Variants in CCDC88C observed in about 807,000 individuals in gnomAD.
The protein encoded by CCDC88C is coiled-coil and HOOK domain protein 88C, also known as protein Daple.
CCDC88C carries 131 observed loss-of-function variants against 198.8 expected under a neutral mutation model. The observed-to-expected ratio is 0.66, with a 90% CI of 0.57 to 0.76. The LOEUF is 0.76. Among genes scored for constraint, CCDC88C ranks in the 30% least tolerant of loss-of-function variants. The probability of loss-of-function intolerance (pLI) is 0.00; values close to 1 mark genes in which losing one functional copy is unlikely to be tolerated. For missense variants in CCDC88C, 2,553 were observed against 2,631.6 expected, an observed-to-expected ratio of 0.97 and a Z score of 0.65; for synonymous variants, 1,166 against 1,114.7, an observed-to-expected ratio of 1.05 and a Z score of -0.92.
intron 10 of CCDC88C, among the ~76,000 whole-genome samples, chr14:91,336,690 T>C (rs910786309): frequency 6.6e-6 from 1 of 152,182 alleles, no homozygotes; most frequent in Non-Finnish European, 1.5e-5. Context: ...TTGCACAGCC[T>C]TCAGGATGCT....
intron 20 of CCDC88C, among the ~76,000 whole-genome samples, chr14:91,303,219 T>C (rs1596045468): frequency 1.4e-5 from 2 of 142,724 alleles, no homozygotes; most frequent in African/African-American, 2.7e-5. Flanking sequence ...CTCCTTCACC[T>C]CCCCTCCCCA....
intron 3 of CCDC88C, among the ~76,000 whole-genome samples, chr14:91,401,211 T>C (rs528031448): frequency 9.5e-5 from 14 of 147,282 alleles, no homozygotes; most frequent in African/African-American, 3.5e-4. Context: ...TTCTACTTCC[T>C]AATCCATAGT....
chr14:91,365,316 G>A (rs924038224), intron 3 of CCDC88C, among the ~76,000 whole-genome samples: 2 of 152,314 alleles, frequency 1.3e-5, no homozygotes, highest in African/African-American at 4.8e-5. Flanking sequence ...GGACCAGGAC[G>A]GGAAGGGACT....
chr14:91,347,409 G>A (rs1037064397), intron 4 of CCDC88C, among the ~76,000 whole-genome samples: 12 of 152,208 alleles, frequency 7.9e-5, no homozygotes, highest in African/African-American at 2.7e-4. Flanking sequence ...GAGCAAGGAA[G>A]AGACCAGAAA....
intron 3 of CCDC88C, among the ~76,000 whole-genome samples, chr14:91,360,600 G>C (rs1894267252): frequency 6.6e-6 from 1 of 152,198 alleles, no homozygotes; most frequent in South Asian, 2.1e-4. Context: ...TCCTAAGCGA[G>C]GGATACATCA....
At chr14:91,298,662 G>A (rs150197991) in intron 21 of CCDC88C, among the ~76,000 whole-genome samples, 1,582 of 152,290 alleles carry the variant, frequency 0.01, 31 homozygotes, top group African/African-American at 0.036. Context: ...TCCAGCTGGC[G>A]GCCTTTGCTG....
chr14:91,363,142 A>G (rs945705842), intron 3 of CCDC88C, among the ~76,000 whole-genome samples: 1 of 152,224 alleles, frequency 6.6e-6, no homozygotes, highest in Admixed American at 6.5e-5. Flanking sequence ...TAATTGAGAC[A>G]CATTAATTTC....
chr14:91,344,694 G>T (rs1482559881), intron 4 of CCDC88C, among the ~76,000 whole-genome samples: 2 of 150,968 alleles, frequency 1.3e-5, no homozygotes, highest in Non-Finnish European at 2.9e-5. Flanking sequence ...TGTATTTTTA[G>T]TAGAGATGGG....
In CCDC88C at chr14:91,272,583, G is replaced by A. The variant is rs780498509; in HGVS notation, c.*42C>T. On this transcript the variant is annotated 3_prime_UTR_variant, in exon 30 of 30. Coordinates refer to ENST00000389857, the MANE Select transcript of CCDC88C (RefSeq NM_001080414.4). ...GAAAAGGCCGTGAGAGTCGGAAGGCGCGTCAGTAGTTTTCAGGTTTGCGAG... is the reference window on the plus strand; with the variant it reads ...GAAAAGGCCGTGAGAGTCGGAAGGCACGTCAGTAGTTTTCAGGTTTGCGAG... 23 of 1,560,240 alleles carry A rather than the reference G, an allele frequency of 1.5e-5. No homozygotes were observed. The highest frequency in any genetic ancestry group is 1.2e-4 in the African/African-American group (9 of 73,670).
chr14:91,393,448 A>G (rs1885651277), intron 3 of CCDC88C, among the ~76,000 whole-genome samples: 1 of 152,226 alleles, frequency 6.6e-6, no homozygotes, highest in Non-Finnish European at 1.5e-5. Context: ...GGGTACAGAC[A>G]GAAGCGCCCT....
intron 4 of CCDC88C, among the ~76,000 whole-genome samples, chr14:91,347,251 C>T (rs576074652): frequency 6.6e-5 from 10 of 152,324 alleles, no homozygotes; most frequent in East Asian, 5.8e-4. Flanking sequence ...GTACTCTATT[C>T]GCAGCAAAGT....
chr14:91,343,759 C>G (rs1441754211), intron 4 of CCDC88C, 102 bp from the exon 5 acceptor site: 26 of 1,373,816 alleles, frequency 1.9e-5, no homozygotes. Context: ...AATCATCTCT[C>G]TACTCTGTGA....
In CCDC88C at chr14:91,303,751, T is replaced by G; in HGVS notation, c.3585A>C (p.Leu1195=). The stretch of plus-strand genomic sequence containing the variant: ...GCTCCAGATTCCGATGCAGTGTCTT[T>G]AGGCAGCTGTGCTGGCGGATGAGGG... ...YEALIRQHSC[L]KTLHRNLELE... Residue 1195 remains leucine, a synonymous_variant, in exon 20 of 30, where the codon CTA becomes CTC. Coordinates refer to ENST00000389857, the MANE Select transcript of CCDC88C (RefSeq NM_001080414.4). 1 of 1,612,410 alleles carries G rather than the reference T, an allele frequency of 6.2e-7. No homozygotes were observed. Among genetic ancestry groups the G allele is most frequent in the Non-Finnish European group, 8.5e-7 (1 of 1,179,222 alleles).
chr14:91,292,181 C>CT (rs761837452), intron 23 of CCDC88C, among the ~76,000 whole-genome samples: 12 of 152,224 alleles, frequency 7.9e-5, no homozygotes, highest in Non-Finnish European at 1.0e-4. Flanking sequence ...CTCCCAGTCC[C>CT]TTGACTCGAC....
intron 17 of CCDC88C, 144 bp from the exon 18 acceptor site, chr14:91,307,370 CCTTTT>C (rs1891604969): frequency 9.2e-6 from 6 of 651,212 alleles, no homozygotes; most frequent in African/African-American, 1.8e-5. Context: ...CAGACGCGCT[CCTTTT>C]CTTTTGAGGG....
intron 10 of CCDC88C, among the ~76,000 whole-genome samples, chr14:91,331,109 C>A (rs187537893): frequency 7.1e-5 from 1 of 14,018 alleles, no homozygotes; most frequent in Non-Finnish European, 2.0e-4. Context: ...GTAAGTGGGG[C>A]GGGGGTGGGG....
intron 3 of CCDC88C, chr14:91,379,994 C>A: frequency 1.5e-6 from 1 of 660,452 alleles, no homozygotes; most frequent in Middle Eastern, 2.4e-4. Context: ...ACTGCGCGAG[C>A]CCACCGTGAG....
rs367607170 is a variant in CCDC88C, at chr14:91,372,435, G to A, written c.271-12724C>T. Among the ~76,000 whole-genome samples, 8 of 150,020 alleles carry A rather than the reference G, an allele frequency of 5.3e-5. No individual in the cohort carries two copies. The East Asian group carries it at 6.0e-4, about 11-fold the overall frequency. On this transcript the variant is annotated intron_variant, in intron 3 of 29. Transcript: ENST00000389857. ...GGGGGCACTGGGAGCAGAGGAGAGC[G>A]GGGAATCCAGAAAAGCTCCAAGAAG...
In CCDC88C at chr14:91,281,481, C is replaced by T. The variant is rs761127230; in HGVS notation, c.4675G>A (p.Glu1559Lys). 5 of 1,613,966 alleles carry T rather than the reference C, an allele frequency of 3.1e-6. No homozygotes were observed. Among genetic ancestry groups the T allele is most frequent in the Non-Finnish European group, 3.4e-6 (4 of 1,179,864 alleles). ...DNLCEPSLEF[E>K]VPNHRQYVSR... ...CCGTACTGCCTGTGGTTGGGGACCT[C>T]AAACTCCAGGGATGGCTCACAGAGG... The change falls in exon 27 of 30, where the codon GAG (glutamate) becomes AAG (lysine). Residue 1559 changes from glutamate to lysine, a missense_variant. By Grantham distance (56) the Glu-to-Lys change is moderately conservative (BLOSUM62 1). Transcript: ENST00000389857.
Sources: allele counts gnomAD v4.1 joint callset (sites outside exome capture counted in the v4.1 genomes callset), GRCh38; gene constraint gnomAD v4.1.1; transcripts MANE v1.5; gene names NCBI Gene and HGNC (gene_info 2026-07-23, HGNC 2026-07-21).